Variants in MACROD2 observed in about 807,000 individuals in gnomAD.
MACROD2 encodes ADP-ribose glycohydrolase MACROD2.
Under a neutral mutation model 70.4 loss-of-function variants are expected in MACROD2, and 36 were observed. That is an observed-to-expected ratio of 0.51 (90% confidence interval 0.39 to 0.68). The LOEUF (loss-of-function observed/expected upper bound fraction) is 0.68, where lower values mean the gene tolerates loss of function less well. Ranked by LOEUF, MACROD2 falls within the 30% of genes least tolerant of loss-of-function variation. The pLI is 0.00. For missense variants in MACROD2, 496 were observed against 538.4 expected, an observed-to-expected ratio of 0.92 and a Z score of 0.78; for synonymous variants, 172 against 178.8, an observed-to-expected ratio of 0.96 and a Z score of 0.30.
intron 5 of MACROD2, among the ~76,000 whole-genome samples, chr20:15,151,011 C>T (rs915832505): frequency 1.3e-5 from 2 of 151,878 alleles, no homozygotes; most frequent in Admixed American, 6.6e-5. Flanking sequence ...GACGGACTTA[C>T]CCTCCACTGT....
At chr20:15,141,988 C>T (rs8123909) in intron 5 of MACROD2, among the ~76,000 whole-genome samples, 18 of 152,142 alleles carry the variant, frequency 1.2e-4, no homozygotes, top group Non-Finnish European at 2.4e-4. Flanking sequence ...TGAAATGCAG[C>T]GTTCTACCAA....
intron 5 of MACROD2, among the ~76,000 whole-genome samples, chr20:14,928,846 C>G (rs974604663): frequency 2.0e-5 from 3 of 152,066 alleles, no homozygotes; most frequent in Non-Finnish European, 4.4e-5. Flanking sequence ...TAAATGACAC[C>G]AACATTATTT....
intron 8 of MACROD2, among the ~76,000 whole-genome samples, chr20:15,583,311 C>T (rs763466635): frequency 5.9e-5 from 9 of 152,116 alleles, no homozygotes; most frequent in East Asian, 1.9e-4. Flanking sequence ...ATGTGAAAAA[C>T]GGAGAAAGTA....
At chr20:15,524,227 A>G (rs1306380736) in intron 8 of MACROD2, among the ~76,000 whole-genome samples, 4 of 151,856 alleles carry the variant, frequency 2.6e-5, no homozygotes, top group Non-Finnish European at 5.9e-5. Flanking sequence ...CTCAGATTTG[A>G]TGCTTCTGCT....
chr20:15,712,566 T>A (rs1023627570), intron 8 of MACROD2, among the ~76,000 whole-genome samples: 8 of 152,074 alleles, frequency 5.3e-5, no homozygotes, highest in Non-Finnish European at 1.0e-4. Flanking sequence ...TAAAAAAAAA[T>A]AAAAGACCTG....
intron 3 of MACROD2, among the ~76,000 whole-genome samples, chr20:14,259,190 C>T (rs752569294): frequency 7.2e-5 from 11 of 152,192 alleles, no homozygotes; most frequent in Non-Finnish European, 1.6e-4. Flanking sequence ...ATCCACCCGC[C>T]TTGGCCTCCC....
intron 4 of MACROD2, among the ~76,000 whole-genome samples, chr20:14,601,635 A>G (rs1311669018): frequency 1.3e-5 from 2 of 152,154 alleles, no homozygotes; most frequent in Non-Finnish European, 2.9e-5. Context: ...CAATTGTAAA[A>G]TATAATTTTC....
At chr20:15,160,914 AT>A (rs563209405) in intron 5 of MACROD2, among the ~76,000 whole-genome samples, 1 of 151,852 alleles carries the variant, frequency 6.6e-6, no homozygotes, top group African/African-American at 2.4e-5. Context: ...TATTTTGATT[AT>A]TTTTTTTACT....
At chr20:14,541,757 G>C (rs1286588023) in intron 4 of MACROD2, among the ~76,000 whole-genome samples, 2 of 151,980 alleles carry the variant, frequency 1.3e-5, no homozygotes, top group Admixed American at 1.3e-4. Context: ...GTTTACTTTT[G>C]GTTTTTATGT....
intron 5 of MACROD2, among the ~76,000 whole-genome samples, chr20:14,831,080 C>A (rs1261450198): frequency 6.6e-6 from 1 of 152,066 alleles, no homozygotes; most frequent in African/African-American, 2.4e-5. Context: ...TTGCGAGCCT[C>A]ACTTTGCTCA....
chr20:15,082,922 A>G (rs900198646), intron 5 of MACROD2, among the ~76,000 whole-genome samples: 1 of 152,138 alleles, frequency 6.6e-6, no homozygotes, highest in Non-Finnish European at 1.5e-5. Context: ...TTAAATGTAG[A>G]TGTAAAATTA....
chr20:14,884,356 G>A (rs935452414), intron 5 of MACROD2: 4 of 152,458 alleles, frequency 2.6e-5, no homozygotes, highest in Admixed American at 2.6e-4. Flanking sequence ...GTGAGCTGTG[G>A]TGGCTCAAGT....
At chr20:15,372,092 T>C (rs1050769792) in intron 6 of MACROD2, among the ~76,000 whole-genome samples, 4 of 152,242 alleles carry the variant, frequency 2.6e-5, no homozygotes, top group Non-Finnish European at 5.9e-5. Flanking sequence ...AGTTCTATAT[T>C]ATGAATATGT....
chr20:15,829,557 A>G (rs1053574844), intron 8 of MACROD2, among the ~76,000 whole-genome samples: 1 of 152,168 alleles, frequency 6.6e-6, no homozygotes. Flanking sequence ...AAGATTCTCA[A>G]GTAGGCTCCA....
intron 15 of MACROD2, among the ~76,000 whole-genome samples, chr20:15,996,878 G>A (rs1454290030): frequency 6.6e-6 from 1 of 152,094 alleles, no homozygotes; most frequent in Admixed American, 6.5e-5. Context: ...TAATTTCTGT[G>A]AGTGGTATAA....
chr20:15,509,174 C>A (rs2047466730), intron 8 of MACROD2, among the ~76,000 whole-genome samples: 1 of 152,072 alleles, frequency 6.6e-6, no homozygotes, highest in Admixed American at 6.5e-5. Context: ...GAGTCACTGT[C>A]CTAAATAGTA....
chr20:14,528,028 C>A (rs1008794978), intron 4 of MACROD2, among the ~76,000 whole-genome samples: 1 of 151,904 alleles, frequency 6.6e-6, no homozygotes, highest in Non-Finnish European at 1.5e-5. Flanking sequence ...CCATCAGTAT[C>A]ATATAAACTA....
At chr20:14,637,506 G>A (rs1189142028) in intron 4 of MACROD2, among the ~76,000 whole-genome samples, 1 of 152,194 alleles carries the variant, frequency 6.6e-6, no homozygotes, top group African/African-American at 2.4e-5. Flanking sequence ...TCTCAGGCTT[G>A]TAAGCTCCCA....
chr20:15,101,947 T>C (rs896259698), intron 5 of MACROD2, among the ~76,000 whole-genome samples: 8 of 152,068 alleles, frequency 5.3e-5, no homozygotes, highest in African/African-American at 1.9e-4. Context: ...TCTACTAGAA[T>C]GTCTTCCTAT....
Sources: allele counts gnomAD v4.1 joint callset (sites outside exome capture counted in the v4.1 genomes callset), GRCh38; gene constraint gnomAD v4.1.1; transcripts MANE v1.5; gene names NCBI Gene and HGNC (gene_info 2026-07-23, HGNC 2026-07-21).